Variants in JAM3 observed in about 807,000 individuals in gnomAD.
JAM3 encodes junctional adhesion molecule C.
In JAM3, 31 loss-of-function variants were observed where a neutral mutation model predicts 39.4. The observed-to-expected ratio is 0.79, with a 90% confidence interval of 0.59 to 1.06. The LOEUF is 1.06. Among genes scored for constraint, JAM3 ranks in the 50% least tolerant of loss-of-function variants. The pLI, the probability that JAM3 is intolerant of heterozygous loss-of-function variation, is 0.00. For synonymous variants in JAM3, 182 were observed against 148.7 expected (o/e 1.22, Z -1.63); for missense variants, 455 against 391.4 (o/e 1.16, Z -1.37).
chr11:134,132,017 A>C (rs1942779705), intron 1 of JAM3, among the ~76,000 whole-genome samples: 1 of 152,218 alleles, frequency 6.6e-6, no homozygotes, highest in South Asian at 2.1e-4. Flanking sequence ...GGGCAGAAAG[A>C]TTATTTTGAG....
In JAM3 at chr11:134,150,534, GCACTGCAGGGA is replaced by G. The variant is rs1308619716; in HGVS notation, c.*1359_*1369del. 4.5e-4 allele frequency: 68 copies of G among 152,374 alleles called. No individual in the cohort carries two copies. The highest frequency in any genetic ancestry group is 1.6e-3 in the African/African-American group (67 of 41,600). The allele number at this position is 152,374 out of a possible 1,614,324, so 9.4% of individuals were successfully genotyped here. The stretch of plus-strand genomic sequence containing the variant: ...TTCATCCAGCACAGCTCTCAGGTGG[GCACTGCAGGGA>G]CACTGGTGTCTTCCATGTAGCGTCC... On this transcript the variant is annotated 3_prime_UTR_variant, in exon 9 of 9. Transcript: ENST00000299106.
chr11:134,127,293 G>T (rs1942668002), intron 1 of JAM3, among the ~76,000 whole-genome samples: 1 of 152,210 alleles, frequency 6.6e-6, no homozygotes, highest in Non-Finnish European at 1.5e-5. Context: ...GTGACCCTAA[G>T]GAATTAATCT....
chr11:134,111,530 A>G (rs1304954052), intron 1 of JAM3, among the ~76,000 whole-genome samples: 1 of 152,024 alleles, frequency 6.6e-6, no homozygotes, highest in Non-Finnish European at 1.5e-5. Context: ...AAGAAACTCT[A>G]CTTCTCCTCA....
At chr11:134,136,604 C>T (rs1591803575) in intron 1 of JAM3, among the ~76,000 whole-genome samples, 2 of 152,194 alleles carry the variant, frequency 1.3e-5, no homozygotes, top group Non-Finnish European at 2.9e-5. Flanking sequence ...TAGTGCCCAG[C>T]CATTGCAGAT....
intron 1 of JAM3, among the ~76,000 whole-genome samples, chr11:134,096,870 A>G (rs140617050): frequency 6.6e-6 from 1 of 152,334 alleles, no homozygotes; most frequent in East Asian, 1.9e-4. Context: ...GTGCTTTCTC[A>G]TAATTCACCA....
chr11:134,149,032 A>G, intron 8 of JAM3, 114 bp from the exon 9 acceptor site: 1 of 1,290,766 alleles, frequency 7.7e-7, no homozygotes. Context: ...TAGTGATGGT[A>G]CTTTTTAAGA....
chr11:134,129,078 T>C (rs558057870), intron 1 of JAM3, among the ~76,000 whole-genome samples: 65 of 152,094 alleles, frequency 4.3e-4, no homozygotes, highest in African/African-American at 1.4e-3. Context: ...GTCCTCATAT[T>C]ATCTTTCCCC....
chr11:134,144,830 G>A lies in JAM3; in HGVS notation c.448G>A (p.Val150Ile), dbSNP rs1943041937. 2.5e-6 allele frequency: 4 copies of A among 1,614,066 alleles called. No homozygotes were observed. The highest frequency in any genetic ancestry group is 3.4e-6 in the Non-Finnish European group (4 of 1,180,048). Residue 150 changes from valine (V) to isoleucine (I), a missense_variant, in exon 5 of 9, where the codon GTA becomes ATA. Coordinates refer to ENST00000299106, the MANE Select transcript of JAM3 (RefSeq NM_032801.5). ...VTPVCRVPKA[V>I]PVGKMATLHC... ...CCCTGTCTGTAGAGTGCCGAAGGCT[G>A]TACCAGTAGGCAAGATGGCAACACT...
chr11:134,069,561 C>G (rs112711023), intron 1 of JAM3, among the ~76,000 whole-genome samples: 1,430 of 109,180 alleles, frequency 0.013, 21 homozygotes, highest in African/African-American at 0.047. Context: ...GCTCATCCCC[C>G]GGGTGGGCTC....
At position 134,149,429 on chromosome 11, in the gene JAM3, G is replaced by C; in HGVS notation, c.*248G>C. On this transcript the variant is annotated 3_prime_UTR_variant, in exon 9 of 9. Transcript: ENST00000299106. The stretch of plus-strand genomic sequence containing the variant: ...CGAAACTGGGTGCGTTCACTGAGTT[G>C]GGTTCCTAATCTGTTTCTGGCCTGA... 1 of 604,488 alleles carries C rather than the reference G, an allele frequency of 1.7e-6. No homozygotes were observed. Among genetic ancestry groups the C allele is most frequent in the South Asian group, 1.9e-5 (1 of 52,232 alleles). 37.4% of individuals were successfully genotyped at this position (604,488 alleles called of 1,614,324 possible).
chr11:134,094,292 TCCTGAAC>T (rs1452854934), intron 1 of JAM3, among the ~76,000 whole-genome samples: 1 of 137,460 alleles, frequency 7.3e-6, no homozygotes, highest in East Asian at 2.3e-4. Context: ...GGGAAGCTTC[TCCTGAAC>T]CCTCCTTATT....
intron 1 of JAM3, among the ~76,000 whole-genome samples, chr11:134,076,899 A>T (rs932213049): frequency 2.2e-5 from 3 of 137,328 alleles, no homozygotes; most frequent in Non-Finnish European, 3.0e-5. Context: ...CAGTGGTGCG[A>T]TCTCGGCTCA....
chr11:134,123,902 C>T (rs78780790), intron 1 of JAM3: 37 of 1,019,280 alleles, frequency 3.6e-5, no homozygotes, highest in Non-Finnish European at 5.3e-5. Context: ...AGTAAAGCAG[C>T]TGTTTGGAAT....
At chr11:134,144,483 CCT>C in intron 4 of JAM3, 90 bp downstream of exon 4, 1 of 1,478,596 alleles carries the variant, frequency 6.8e-7, no homozygotes, top group Admixed American at 1.7e-5. Context: ...GAACTGTATC[CCT>C]GAGGGCTTCA....
chr11:134,147,106 C>A (rs891657121), intron 6 of JAM3, among the ~76,000 whole-genome samples: 2 of 152,154 alleles, frequency 1.3e-5, no homozygotes. Flanking sequence ...TTGCCCCAGA[C>A]CTACTTTAGC....
chr11:134,142,661 T>A (rs1237406252), intron 3 of JAM3, among the ~76,000 whole-genome samples: 1 of 152,202 alleles, frequency 6.6e-6, no homozygotes, highest in East Asian at 1.9e-4. Flanking sequence ...CCTTTTAAAG[T>A]GTGCAGTTCA....
intron 1 of JAM3, among the ~76,000 whole-genome samples, chr11:134,100,664 G>A (rs1416430884): frequency 1.3e-5 from 2 of 152,100 alleles, no homozygotes; most frequent in Non-Finnish European, 2.9e-5. Flanking sequence ...TGCATTCTCT[G>A]CGTCAGGTCC....
At chr11:134,122,905 T>C (rs1440515377) in intron 1 of JAM3, among the ~76,000 whole-genome samples, 1 of 152,316 alleles carries the variant, frequency 6.6e-6, no homozygotes, top group African/African-American at 2.4e-5. Flanking sequence ...GCCCACTGCC[T>C]GGACATCTTT....
intron 1 of JAM3, among the ~76,000 whole-genome samples, chr11:134,101,370 T>C (rs1942070147): frequency 6.6e-6 from 1 of 152,196 alleles, no homozygotes; most frequent in South Asian, 2.1e-4. Flanking sequence ...AGTAGAGTCA[T>C]TTGAAATGCA....
Sources: gnomAD v4.1 joint callset for allele counts (sites outside exome capture counted in the v4.1 genomes callset) on GRCh38, gnomAD v4.1.1 for gene constraint, MANE v1.5 for transcripts, NCBI Gene and HGNC (gene_info 2026-07-23, HGNC 2026-07-21) for gene names.